ASTN2: variants seen among roughly 807,000 people sequenced by gnomAD.
ASTN2 encodes astrotactin-2.
Under a neutral mutation model 139.8 loss-of-function variants are expected in ASTN2, and 54 were observed. The ratio of observed to expected loss-of-function variants is 0.39; its 90% CI spans 0.31 to 0.48. The LOEUF is 0.48. Among genes scored for constraint, ASTN2 ranks in the 20% least tolerant of loss-of-function variants. The pLI is 0.95. For synonymous variants in ASTN2, 756 were observed against 719.5 expected, an observed-to-expected ratio of 1.05 and a Z score of -0.81; for missense variants, 1,565 against 1,725.1, an observed-to-expected ratio of 0.91 and a Z score of 1.64.
chr9:116,452,985 C>G (rs534524937), intron 20 of ASTN2, among the ~76,000 whole-genome samples: 1 of 152,272 alleles, frequency 6.6e-6, no homozygotes, highest in African/African-American at 2.4e-5. Flanking sequence ...CAAAGCCAAG[C>G]TCAGAGGAGG....
intron 3 of ASTN2, among the ~76,000 whole-genome samples, chr9:117,150,990 C>G (rs1179154235): frequency 6.6e-6 from 1 of 152,030 alleles, no homozygotes; most frequent in Non-Finnish European, 1.5e-5. Flanking sequence ...TGTGAGCCAC[C>G]ACACCTAGTC....
intron 3 of ASTN2, among the ~76,000 whole-genome samples, chr9:117,172,017 C>T (rs775679990): frequency 3.2e-4 from 48 of 152,188 alleles, no homozygotes; most frequent in South Asian, 6.2e-4. Flanking sequence ...GAAAAGAAGG[C>T]AGACACAAAA....
chr9:116,512,177 G>A (rs990814244), intron 19 of ASTN2, among the ~76,000 whole-genome samples: 1 of 152,178 alleles, frequency 6.6e-6, no homozygotes, highest in Non-Finnish European at 1.5e-5. Context: ...CTTTAAATGT[G>A]TCCCAGAGAT....
intron 1 of ASTN2, among the ~76,000 whole-genome samples, chr9:117,379,773 A>G (rs1338786349): frequency 6.6e-6 from 1 of 152,178 alleles, no homozygotes; most frequent in Non-Finnish European, 1.5e-5. Flanking sequence ...AAAGTTCCAT[A>G]ATTGTTCTCT....
intron 4 of ASTN2, among the ~76,000 whole-genome samples, chr9:117,102,981 A>T (rs1169624398): frequency 6.6e-6 from 1 of 152,116 alleles, no homozygotes; most frequent in Non-Finnish European, 1.5e-5. Flanking sequence ...TGGGGCACAG[A>T]GTGGAAGAAT....
At chr9:117,321,278 C>T (rs1442263979) in intron 1 of ASTN2, among the ~76,000 whole-genome samples, 1 of 152,160 alleles carries the variant, frequency 6.6e-6, no homozygotes, top group African/African-American at 2.4e-5. Context: ...AGATCAGTAC[C>T]AGGTTGAGAG....
intron 20 of ASTN2, among the ~76,000 whole-genome samples, chr9:116,473,766 G>A (rs867400888): frequency 6.6e-5 from 10 of 152,228 alleles, no homozygotes; most frequent in South Asian, 2.1e-4. Flanking sequence ...AGCTGGGCGT[G>A]TTGGTGGGCA....
intron 19 of ASTN2, among the ~76,000 whole-genome samples, chr9:116,616,754 A>G (rs1855875912): frequency 6.6e-6 from 1 of 150,680 alleles, no homozygotes; most frequent in South Asian, 2.1e-4. Flanking sequence ...CTCTGCTATT[A>G]TAAAACAGCA....
intron 19 of ASTN2, among the ~76,000 whole-genome samples, chr9:116,606,398 T>C (rs1855206757): frequency 6.6e-6 from 1 of 151,994 alleles, no homozygotes; most frequent in Admixed American, 6.6e-5. Context: ...CCATAAAGTG[T>C]GTGTGTATGT....
chr9:116,574,759 G>T (rs943531978), intron 19 of ASTN2, among the ~76,000 whole-genome samples: 1 of 152,188 alleles, frequency 6.6e-6, no homozygotes, highest in South Asian at 2.1e-4. Context: ...CCAACGTGCA[G>T]AAGTCCCAGT....
chr9:116,805,484 C>A lies in ASTN2; in HGVS notation c.2396+148G>T, dbSNP rs1008983686. ...TTATGGAATAAAGTTTGATGACTTTCCACACTCCTTAAGAGGGTACCTGTG... is the reference window on the plus strand; with the variant it reads ...TTATGGAATAAAGTTTGATGACTTTACACACTCCTTAAGAGGGTACCTGTG... On this transcript the variant is annotated intron_variant, in intron 13 of 22. Transcript: ENST00000313400. 6.5e-5 allele frequency: 43 copies of A among 657,908 alleles called. No individual in the cohort carries two copies. The African/African-American group carries it at 7.3e-4, about 11-fold the overall frequency. 40.8% of individuals were successfully genotyped at this position (657,908 alleles called of 1,614,324 possible). A position where few individuals can be genotyped will look rare whatever the true frequency, so the allele number is the denominator to read the frequency against.
At chr9:116,952,403 G>A (rs1486811758) in intron 10 of ASTN2, among the ~76,000 whole-genome samples, 1 of 152,138 alleles carries the variant, frequency 6.6e-6, no homozygotes, top group Non-Finnish European at 1.5e-5. Flanking sequence ...GAAGCTCTTG[G>A]GGTTCATTCC....
At chr9:116,617,737 A>T (rs997814177) in intron 19 of ASTN2, among the ~76,000 whole-genome samples, 13 of 152,224 alleles carry the variant, frequency 8.5e-5, no homozygotes, top group African/African-American at 3.1e-4. Context: ...GAGAACAGAA[A>T]ATGTAAGCCC....
intron 11 of ASTN2, among the ~76,000 whole-genome samples, chr9:116,860,983 G>C (rs914734292): frequency 1.3e-5 from 2 of 152,118 alleles, no homozygotes; most frequent in African/African-American, 4.8e-5. Flanking sequence ...CATAAACGTG[G>C]TATTTCCCTG....
chr9:116,425,237 T>G lies in ASTN2; in HGVS notation c.*614A>C. The G allele has an allele frequency of 3.2e-6, 1 of 312,868 alleles. No individual in the cohort carries two copies. Among genetic ancestry groups the G allele is most frequent in the Non-Finnish European group, 5.9e-6 (1 of 170,934 alleles). 19.4% of individuals were successfully genotyped at this position (312,868 alleles called of 1,614,324 possible). ...ACCACCCAAGCAGAAAGAGAGACAA[T>G]AGGAATTTTTAATGCATGGACAGGC... On this transcript the variant is annotated 3_prime_UTR_variant, in exon 23 of 23. Transcript: ENST00000313400.
At chr9:116,906,256 C>T (rs914356089) in intron 10 of ASTN2, among the ~76,000 whole-genome samples, 1 of 152,144 alleles carries the variant, frequency 6.6e-6, no homozygotes, top group Non-Finnish European at 1.5e-5. Context: ...GATAGTCACA[C>T]TTGAGGACCA....
intron 10 of ASTN2, among the ~76,000 whole-genome samples, chr9:116,924,481 T>C (rs988904905): frequency 6.7e-6 from 1 of 150,046 alleles, no homozygotes; most frequent in African/African-American, 2.5e-5. Context: ...AGCGGTGGCA[T>C]GGGCTGCTCA....
chr9:117,414,299 C>T lies in ASTN2; in HGVS notation c.442+198G>A, dbSNP rs546904728. Reference sequence around the variant, plus strand: ...GAGGGTTGGCACGCCCCCAGGCTCCCGCCGCGCGCTCTCCAGGACCTCCTC... The same window carrying T: ...GAGGGTTGGCACGCCCCCAGGCTCCTGCCGCGCGCTCTCCAGGACCTCCTC... On this transcript the variant is annotated intron_variant, in intron 1 of 22. Coordinates refer to ENST00000313400, the MANE Select transcript of ASTN2 (RefSeq NM_001365068.1). This position sits in a 1 kb window ranked among gnomAD's most constrained non-coding sequence, Gnocchi z 4.2. Among the ~76,000 whole-genome samples, 96 of 152,280 alleles carry T rather than the reference C, an allele frequency of 6.3e-4. No individual in the cohort carries two copies. Among genetic ancestry groups the T allele is most frequent in the African/African-American group, 2.2e-3 (93 of 41,586 alleles).
chr9:117,015,338 G>A (rs978218244), intron 6 of ASTN2, among the ~76,000 whole-genome samples: 2 of 152,092 alleles, frequency 1.3e-5, no homozygotes, highest in Admixed American at 1.3e-4. Context: ...TTCTTTGACA[G>A]CAAATATCTC....
Sources: allele counts gnomAD v4.1 joint callset (sites outside exome capture counted in the v4.1 genomes callset), GRCh38; gene constraint gnomAD v4.1.1; non-coding constraint Gnocchi (gnomAD v3.1); transcripts MANE v1.5; gene names NCBI Gene and HGNC (gene_info 2026-07-23, HGNC 2026-07-21).